FER: variants seen among roughly 807,000 people sequenced by gnomAD.
The protein encoded by FER is tyrosine-protein kinase Fer.
A neutral mutation model predicts 111.0 loss-of-function variants in FER; 63 were observed. The observed-to-expected ratio is 0.57, with a 90% confidence interval of 0.46 to 0.70. The LOEUF (loss-of-function observed/expected upper bound fraction) is 0.70, where lower values mean the gene tolerates loss of function less well. Ranked by LOEUF, FER falls within the 30% of genes least tolerant of loss-of-function variation. The probability of loss-of-function intolerance (pLI) is 0.00; values close to 1 mark genes in which losing one functional copy is unlikely to be tolerated. For synonymous variants in FER, 327 were observed against 313.9 expected, an observed-to-expected ratio of 1.04 and a Z score of -0.44; for missense variants, 914 against 954.0, an observed-to-expected ratio of 0.96 and a Z score of 0.55.
At chr5:108,828,941 A>T (rs767737875) in intron 3 of FER, among the ~76,000 whole-genome samples, 28 of 152,178 alleles carry the variant, frequency 1.8e-4, no homozygotes, top group Non-Finnish European at 2.8e-4. Context: ...CTATTTTTTT[A>T]AAAAAAGAAA....
At chr5:109,045,296 ACAT>A (rs372230471) in intron 15 of FER, among the ~76,000 whole-genome samples, 120 of 122,694 alleles carry the variant, frequency 9.8e-4, no homozygotes, top group African/African-American at 3.2e-3. Context: ...TACATTATAT[ACAT>A]TATATATATA....
intron 17 of FER, among the ~76,000 whole-genome samples, chr5:109,179,142 T>TA (rs150041006): frequency 0.018 from 2,728 of 152,272 alleles, 51 homozygotes; most frequent in Non-Finnish European, 0.022. Context: ...ATATTCTGTG[T>TA]AAAAAACATC....
At chr5:108,924,361 A>C (rs1393315297) in intron 10 of FER, among the ~76,000 whole-genome samples, 1 of 45,570 alleles carries the variant, frequency 2.2e-5, no homozygotes, top group Admixed American at 1.9e-4. Context: ...ACTCTGTCTC[A>C]AAAAAAAAAA....
chr5:108,794,638 G>A (rs1019209027), intron 2 of FER, among the ~76,000 whole-genome samples: 4 of 149,946 alleles, frequency 2.7e-5, no homozygotes, highest in African/African-American at 9.9e-5. Context: ...TATGCTTAAA[G>A]GATATTTTCA....
At chr5:109,141,940 A>G (rs897755993) in intron 17 of FER, among the ~76,000 whole-genome samples, 3 of 148,788 alleles carry the variant, frequency 2.0e-5, no homozygotes, top group Non-Finnish European at 4.5e-5. Context: ...AAAAGCCTAC[A>G]GACACATCAA....
Position 109,076,918 on chromosome 5 carries a change from C to T in FER, c.1925-23478C>T, listed in dbSNP as rs192777374. The stretch of plus-strand genomic sequence containing the variant: ...CCCTGTGATGTGGTTATTTTCATGC[C>T]GTCATTATGGATGATGATAAGCCTG... On this transcript the variant is annotated intron_variant, in intron 16 of 19. Transcript: ENST00000281092. Among the ~76,000 whole-genome samples, 1,190 of 152,184 alleles carry T rather than the reference C, an allele frequency of 7.8e-3. 13 individuals carry two copies. The highest frequency in any genetic ancestry group is 0.028 in the African/African-American group (1,152 of 41,522).
intron 13 of FER, among the ~76,000 whole-genome samples, chr5:108,974,047 G>A (rs1323715195): frequency 6.6e-6 from 1 of 152,110 alleles, no homozygotes; most frequent in African/African-American, 2.4e-5. Flanking sequence ...AGAAATTTTC[G>A]AGGAATCCCA....
intron 17 of FER, among the ~76,000 whole-genome samples, chr5:109,178,914 A>T (rs1375395946): frequency 6.6e-6 from 1 of 152,174 alleles, no homozygotes; most frequent in Non-Finnish European, 1.5e-5. Context: ...ATTAATATTC[A>T]CATATTTTTT....
chr5:108,828,985 A>G (rs750168180), intron 3 of FER, among the ~76,000 whole-genome samples: 11 of 152,130 alleles, frequency 7.2e-5, no homozygotes, highest in Non-Finnish European at 1.5e-4. Context: ...CCTAATAACA[A>G]TTTATCTATG....
At chr5:109,181,527 A>G (rs1044746319) in intron 18 of FER, among the ~76,000 whole-genome samples, 2 of 152,230 alleles carry the variant, frequency 1.3e-5, no homozygotes, top group Non-Finnish European at 2.9e-5. Context: ...AAGAGAAAAA[A>G]AAAGTGTGCT....
At chr5:108,964,609 G>T (rs1370775106) in intron 13 of FER, among the ~76,000 whole-genome samples, 1 of 152,024 alleles carries the variant, frequency 6.6e-6, no homozygotes, top group Non-Finnish European at 1.5e-5. Context: ...CGCAGATTTG[G>T]ATTAATTTAA....
At chr5:108,765,146 T>G (rs1752175949) in intron 1 of FER, among the ~76,000 whole-genome samples, 1 of 152,176 alleles carries the variant, frequency 6.6e-6, no homozygotes, top group Non-Finnish European at 1.5e-5. Context: ...TTTTCAACTG[T>G]TATGTATGGA....
intron 13 of FER, among the ~76,000 whole-genome samples, chr5:108,978,405 C>G (rs1346162071): frequency 1.3e-5 from 2 of 152,154 alleles, no homozygotes; most frequent in Non-Finnish European, 2.9e-5. Context: ...TCTGTTATTT[C>G]ATACCTTTCT....
intron 1 of FER, chr5:108,748,772 C>T (rs1375675633): frequency 6.6e-6 from 1 of 152,526 alleles, no homozygotes; most frequent in Non-Finnish European, 1.5e-5. Flanking sequence ...CCGCTCCCCG[C>T]CTCCTGGGAG....
At chr5:108,928,066 G>A (rs1442375292) in intron 10 of FER, among the ~76,000 whole-genome samples, 4 of 152,162 alleles carry the variant, frequency 2.6e-5, no homozygotes, top group African/African-American at 9.7e-5. Flanking sequence ...GAAAGAGTAG[G>A]TAAAATGTTG....
chr5:108,998,887 T>C (rs1384796627), intron 13 of FER, among the ~76,000 whole-genome samples: 1 of 152,166 alleles, frequency 6.6e-6, no homozygotes, highest in Non-Finnish European at 1.5e-5. Context: ...TTTGCCTCGA[T>C]GTTAAAGTGA....
intron 16 of FER, among the ~76,000 whole-genome samples, chr5:109,058,953 T>C (rs1774020750): frequency 6.6e-6 from 1 of 151,804 alleles, no homozygotes; most frequent in African/African-American, 2.4e-5. Context: ...TTGGTCAGGC[T>C]GGTCTCGAAC....
chr5:108,810,447 C>T (rs574768974), intron 3 of FER, among the ~76,000 whole-genome samples: 12 of 152,234 alleles, frequency 7.9e-5, no homozygotes, highest in Non-Finnish European at 1.6e-4. Context: ...GCCTGCCTAC[C>T]TGTCGCCCAG....
intron 17 of FER, among the ~76,000 whole-genome samples, chr5:109,171,052 ATATC>A (rs1251900865): frequency 1.3e-5 from 2 of 152,198 alleles, no homozygotes; most frequent in African/African-American, 2.4e-5. Flanking sequence ...TGTCTTGCAT[ATATC>A]TATCTATGTG....
Sources: gnomAD v4.1 joint callset for allele counts (sites outside exome capture counted in the v4.1 genomes callset) on GRCh38, gnomAD v4.1.1 for gene constraint, MANE v1.5 for transcripts, NCBI Gene and HGNC (gene_info 2026-07-23, HGNC 2026-07-21) for gene names.